CRTC3: variants seen among roughly 807,000 people sequenced by gnomAD.
The protein encoded by CRTC3 is CREB regulated transcription coactivator 3, also known as CREB-regulated transcription coactivator 3.
A neutral mutation model predicts 74.5 loss-of-function variants in CRTC3; 26 were observed. The observed-to-expected ratio is 0.35, with a 90% CI of 0.26 to 0.48. The LOEUF is 0.48. Among genes scored for constraint, CRTC3 ranks in the 20% least tolerant of loss-of-function variants. The probability of loss-of-function intolerance (pLI) is 0.99; values close to 1 mark genes in which losing one functional copy is unlikely to be tolerated. For missense variants in CRTC3, 760 were observed against 787.3 expected (o/e 0.97, Z 0.41); for synonymous variants, 377 against 325.8 (o/e 1.16, Z -1.69).
chr15:90,550,240 C>T (rs1376903823), intron 2 of CRTC3, among the ~76,000 whole-genome samples: 3 of 151,472 alleles, frequency 2.0e-5, no homozygotes, highest in Non-Finnish European at 4.4e-5. Context: ...ACCAACCTGA[C>T]CAACATGGAG....
Position 90,541,824 on chromosome 15 carries a change from C to A in CRTC3, c.231+1687C>A, listed in dbSNP as rs28495994. Among the ~76,000 whole-genome samples the A allele has an allele frequency of 8.0e-5, 10 of 125,070 alleles. No homozygotes were observed. In the Admixed American group the frequency reaches 1.0e-3, roughly 13 times the overall value. The allele number at this position is 125,070 out of a possible 152,430, so 82.1% of individuals were successfully genotyped here. A position where few individuals can be genotyped will look rare whatever the true frequency, so the allele number is the denominator to read the frequency against. On this transcript the variant is annotated intron_variant, in intron 2 of 14. Transcript: ENST00000268184. The stretch of plus-strand genomic sequence containing the variant: ...TTTTTGAGATGGAGTCTCACTCTGT[C>A]GCCCAGGCAGGAGTGCAGTAGTGCA...
chr15:90,567,893 A>G (rs1596088511), intron 2 of CRTC3, among the ~76,000 whole-genome samples: 2 of 152,316 alleles, frequency 1.3e-5, no homozygotes, highest in Middle Eastern at 6.8e-3. Flanking sequence ...GGCTATATAT[A>G]GCTGTCATAG....
At chr15:90,633,677 A>G (rs1026862104) in intron 11 of CRTC3, among the ~76,000 whole-genome samples, 16 of 151,160 alleles carry the variant, frequency 1.1e-4, no homozygotes, top group Non-Finnish European at 1.6e-4. Context: ...TATTTCTTCA[A>G]TGATTTCTTC....
Position 90,642,268 on chromosome 15 carries a change from G to T in CRTC3, c.*128G>T, listed in dbSNP as rs995606279. On this transcript the variant is annotated 3_prime_UTR_variant, in exon 15 of 15. Transcript: ENST00000268184. ...GAAGGAAGCAATGCCACGGCTCCAG[G>T]GTTTCAGATGAGATCCCATCTCAGA... 1.4e-6 allele frequency: 1 copy of T among 720,246 alleles called. No homozygotes were observed. Among genetic ancestry groups the T allele is most frequent in the Non-Finnish European group, 2.3e-6 (1 of 428,194 alleles). 44.6% of individuals were successfully genotyped at this position (720,246 alleles called of 1,614,324 possible). A position where few individuals can be genotyped will look rare whatever the true frequency, so the allele number is the denominator to read the frequency against.
chr15:90,572,068 A>C (rs1302007239), intron 2 of CRTC3, among the ~76,000 whole-genome samples: 2 of 151,346 alleles, frequency 1.3e-5, no homozygotes, highest in African/African-American at 4.9e-5. Flanking sequence ...AGGCTGAGGC[A>C]GGAGAATTGC....
intron 2 of CRTC3, among the ~76,000 whole-genome samples, chr15:90,546,680 TG>T (rs1193003959): frequency 2.0e-5 from 3 of 152,266 alleles, no homozygotes; most frequent in African/African-American, 7.2e-5. Context: ...TGGAGTGCAG[TG>T]GCACGATCTC....
intron 13 of CRTC3, among the ~76,000 whole-genome samples, chr15:90,639,863 C>A (rs574106628): frequency 2.6e-5 from 4 of 151,386 alleles, no homozygotes; most frequent in African/African-American, 7.3e-5. Context: ...CTGGCTAACA[C>A]GGTGAAACCT....
chr15:90,530,306 G>C lies in CRTC3; in HGVS notation c.132+103G>C. ...GCCAAGGCGATGGCGGGGCCGGGCG[G>C]GGGCCGCGCCCGGGAACCGGCGGCT... On this transcript the variant is annotated intron_variant, in intron 1 of 14. Coordinates refer to ENST00000268184, the MANE Select transcript of CRTC3 (RefSeq NM_022769.5). This position sits in a 1 kb window ranked among gnomAD's most constrained non-coding sequence, Gnocchi z 6.2. 1 of 700,520 alleles carries C rather than the reference G, an allele frequency of 1.4e-6. No homozygotes were observed. The highest frequency in any genetic ancestry group is 1.8e-6 in the Non-Finnish European group (1 of 569,200). 43.4% of individuals were successfully genotyped at this position (700,520 alleles called of 1,614,324 possible). A position where few individuals can be genotyped will look rare whatever the true frequency, so the allele number is the denominator to read the frequency against.
At chr15:90,572,633 T>C (rs1156701628) in intron 2 of CRTC3, among the ~76,000 whole-genome samples, 2 of 152,216 alleles carry the variant, frequency 1.3e-5, no homozygotes, top group Non-Finnish European at 2.9e-5. Flanking sequence ...TGGAGTGCAG[T>C]AGTGCAATCT....
At chr15:90,576,086 A>G (rs1200701610) in intron 2 of CRTC3, among the ~76,000 whole-genome samples, 3 of 152,084 alleles carry the variant, frequency 2.0e-5, no homozygotes, top group Non-Finnish European at 2.9e-5. Context: ...AGTTGAGGAT[A>G]GTATTGGGTT....
chr15:90,537,751 T>A (rs921959314), intron 1 of CRTC3, among the ~76,000 whole-genome samples: 2 of 152,170 alleles, frequency 1.3e-5, no homozygotes, highest in Non-Finnish European at 2.9e-5. Context: ...CTTGGCTCAC[T>A]GCAACCTCTG....
chr15:90,561,172 G>A (rs1567166295), intron 2 of CRTC3, among the ~76,000 whole-genome samples: 1 of 152,152 alleles, frequency 6.6e-6, no homozygotes, highest in Admixed American at 6.6e-5. Context: ...GGTAATGCAT[G>A]TAAATCCTTA....
intron 14 of CRTC3, 39 bp downstream of exon 14, chr15:90,641,238 G>T: frequency 1.5e-6 from 2 of 1,301,818 alleles, no homozygotes; most frequent in Non-Finnish European, 2.2e-6. Context: ...CTGCTTTTAT[G>T]TTGTTGTGTG....
chr15:90,616,171 A>T (rs1968490479), intron 7 of CRTC3, among the ~76,000 whole-genome samples: 1 of 152,212 alleles, frequency 6.6e-6, no homozygotes, highest in South Asian at 2.1e-4. Context: ...TACGCTCTTC[A>T]AAAGAGAGTG....
chr15:90,636,429 T>A (rs1162135751), intron 11 of CRTC3, among the ~76,000 whole-genome samples: 1 of 149,654 alleles, frequency 6.7e-6, no homozygotes, highest in Non-Finnish European at 1.5e-5. Context: ...AAGACTTAAA[T>A]GTTAGACCTA....
At chr15:90,637,473 T>C (rs71407318) in intron 11 of CRTC3, among the ~76,000 whole-genome samples, 41,634 of 151,904 alleles carry the variant, frequency 0.27, 7,186 homozygotes, top group African/African-American at 0.5. Context: ...TTAATGGGTG[T>C]AGCACACCAA....
chr15:90,563,337 C>T (rs1308768602), intron 2 of CRTC3, among the ~76,000 whole-genome samples: 2 of 151,816 alleles, frequency 1.3e-5, no homozygotes, highest in Non-Finnish European at 1.5e-5. Context: ...ACCGAGGAGG[C>T]GGAAGTTGCA....
intron 3 of CRTC3, among the ~76,000 whole-genome samples, chr15:90,597,508 A>T (rs973102640): frequency 2.6e-5 from 4 of 152,152 alleles, no homozygotes; most frequent in African/African-American, 9.7e-5. Context: ...CATCATAATG[A>T]GATGAAAATG....
chr15:90,611,892 C>T (rs1327337148), intron 6 of CRTC3, among the ~76,000 whole-genome samples: 4 of 152,256 alleles, frequency 2.6e-5, no homozygotes, highest in African/African-American at 9.6e-5. Flanking sequence ...CAACTGAAAC[C>T]TTCCATCCCC....
Sources: allele counts gnomAD v4.1 joint callset (sites outside exome capture counted in the v4.1 genomes callset), GRCh38; gene constraint gnomAD v4.1.1; non-coding constraint Gnocchi (gnomAD v3.1); transcripts MANE v1.5; gene names NCBI Gene and HGNC (gene_info 2026-07-23, HGNC 2026-07-21).